The following ITFG1 variants were observed in gnomAD, a reference collection of about 807,000 sequenced individuals.
ITFG1 encodes the protein T-cell immunomodulatory protein.
In ITFG1, 34 loss-of-function variants were observed where a neutral mutation model predicts 81.8. The observed-to-expected ratio is 0.42, with a 90% confidence interval of 0.32 to 0.55. The LOEUF is 0.55. ITFG1 is among the 20% of genes least tolerant of loss of function. The probability of loss-of-function intolerance (pLI) is 0.17; values close to 1 mark genes in which losing one functional copy is unlikely to be tolerated. For missense variants in ITFG1, 672 were observed against 755.4 expected, an observed-to-expected ratio of 0.89 and a Z score of 1.29; for synonymous variants, 285 against 270.6, an observed-to-expected ratio of 1.05 and a Z score of -0.52.
chr16:47,183,768 C>T (rs1320744154), intron 14 of ITFG1, among the ~76,000 whole-genome samples: 7 of 152,286 alleles, frequency 4.6e-5, no homozygotes, highest in East Asian at 3.9e-4. Flanking sequence ...TCACTAGCAA[C>T]GGAACAAAGC....
intron 14 of ITFG1, among the ~76,000 whole-genome samples, chr16:47,184,123 A>C (rs1327220560): frequency 4.6e-5 from 7 of 152,194 alleles, no homozygotes; most frequent in African/African-American, 9.6e-5. Context: ...AAATATGGGA[A>C]TATGTGAAAA....
intron 2 of ITFG1, among the ~76,000 whole-genome samples, chr16:47,457,602 G>C (rs1244800982): frequency 6.6e-6 from 1 of 152,004 alleles, no homozygotes; most frequent in East Asian, 1.9e-4. Context: ...AGAGAAACAG[G>C]GGTGTGGGGG....
At position 47,433,792 on chromosome 16, in the gene ITFG1, T is replaced by TAC. The variant is rs1194139016; in HGVS notation, c.561-4896_561-4895dup. 5.8e-3 allele frequency among the ~76,000 whole-genome samples: 782 copies of TAC among 135,624 alleles called. 7 individuals carry two copies. The highest frequency in any genetic ancestry group is 8.0e-3 in the African/African-American group (282 of 35,300). 89.0% of individuals were successfully genotyped at this position (135,624 alleles called of 152,430 possible). On this transcript the variant is annotated intron_variant, in intron 5 of 17. Coordinates refer to ENST00000320640, the MANE Select transcript of ITFG1 (RefSeq NM_030790.5). Reference sequence around the variant, plus strand: ...CTGAATATATATATATATATATATATACACACACACACATACACACACGTA... The same window carrying TAC: ...CTGAATATATATATATATATATATATACACACACACACACATACACACACGTA...
At chr16:47,419,129 C>T (rs1035265154) in intron 6 of ITFG1, among the ~76,000 whole-genome samples, 1 of 152,094 alleles carries the variant, frequency 6.6e-6, no homozygotes, top group Non-Finnish European at 1.5e-5. Context: ...TTGATGTGTT[C>T]TTGGATTTGG....
chr16:47,348,307 C>T (rs1967890900), intron 8 of ITFG1, among the ~76,000 whole-genome samples: 1 of 152,112 alleles, frequency 6.6e-6, no homozygotes, highest in South Asian at 2.1e-4. Flanking sequence ...AAGTTAAAAA[C>T]CTTGAAAAAA....
chr16:47,156,653 C>T (rs894938629), intron 17 of ITFG1, among the ~76,000 whole-genome samples: 1 of 151,956 alleles, frequency 6.6e-6, no homozygotes, highest in African/African-American at 2.4e-5. Flanking sequence ...CTTCTAGATC[C>T]GGGTGAGGAA....
chr16:47,156,347 G>A (rs1460270759), intron 17 of ITFG1, among the ~76,000 whole-genome samples: 1 of 152,182 alleles, frequency 6.6e-6, no homozygotes, highest in Admixed American at 6.5e-5. Flanking sequence ...GCTAAGGCAG[G>A]AGAATCGCTT....
intron 10 of ITFG1, among the ~76,000 whole-genome samples, chr16:47,310,683 C>T (rs1967244068): frequency 6.6e-6 from 1 of 152,170 alleles, no homozygotes; most frequent in South Asian, 2.1e-4. Context: ...AAACAAGCAA[C>T]AATAATGTAA....
intron 10 of ITFG1, among the ~76,000 whole-genome samples, chr16:47,273,581 T>A (rs1966365819): frequency 6.6e-6 from 1 of 152,160 alleles, no homozygotes; most frequent in African/African-American, 2.4e-5. Flanking sequence ...AGTCAGTGTC[T>A]AGGATATGTG....
intron 8 of ITFG1, among the ~76,000 whole-genome samples, chr16:47,364,449 C>G (rs1315973922): frequency 2.0e-5 from 3 of 151,958 alleles, no homozygotes; most frequent in Non-Finnish European, 4.4e-5. Context: ...AGTTTTTAAC[C>G]AGGGCTTAAG....
At chr16:47,393,826 T>C (rs1442958909) in intron 6 of ITFG1, among the ~76,000 whole-genome samples, 4 of 152,174 alleles carry the variant, frequency 2.6e-5, no homozygotes, top group African/African-American at 9.7e-5. Flanking sequence ...CATCAAACAT[T>C]TGGCTATTAC....
At chr16:47,180,445 C>G (rs1363442185) in intron 14 of ITFG1, among the ~76,000 whole-genome samples, 1 of 151,296 alleles carries the variant, frequency 6.6e-6, no homozygotes, top group Admixed American at 6.6e-5. Flanking sequence ...CAAAGCTGGA[C>G]TGTACTGCTG....
chr16:47,399,498 G>A (rs769358220), intron 6 of ITFG1, among the ~76,000 whole-genome samples: 3 of 152,048 alleles, frequency 2.0e-5, no homozygotes, highest in Non-Finnish European at 4.4e-5. Context: ...GTGTGAACCC[G>A]GGAGGCAGAG....
At chr16:47,224,589 C>T (rs143422873) in intron 13 of ITFG1, among the ~76,000 whole-genome samples, 119 of 152,214 alleles carry the variant, frequency 7.8e-4, no homozygotes, top group African/African-American at 1.9e-3. Flanking sequence ...ACCACAAACC[C>T]AGGCAATGGG....
intron 6 of ITFG1, among the ~76,000 whole-genome samples, chr16:47,389,147 T>G (rs1968499497): frequency 6.6e-6 from 1 of 152,150 alleles, no homozygotes; most frequent in African/African-American, 2.4e-5. Flanking sequence ...TGAACCTTTT[T>G]CGGTCTGACT....
Position 47,228,655 on chromosome 16 carries a change from C to T in ITFG1, c.1374+9310G>A, listed in dbSNP as rs529566901. Among the ~76,000 whole-genome samples the T allele has an allele frequency of 2.6e-5, 4 of 152,306 alleles. No homozygotes were observed. In the South Asian group the frequency reaches 6.2e-4, roughly 24 times the overall value. On this transcript the variant is annotated intron_variant, in intron 13 of 17. Coordinates refer to ENST00000320640, the MANE Select transcript of ITFG1 (RefSeq NM_030790.5). The stretch of plus-strand genomic sequence containing the variant: ...AAAGTGCTGGGATTACAGGTGTAAG[C>T]CATGGCATCTGACCCGAAGATAAAT...
chr16:47,451,997 A>C (rs1567505151), intron 4 of ITFG1, among the ~76,000 whole-genome samples: 1 of 152,222 alleles, frequency 6.6e-6, no homozygotes, highest in Non-Finnish European at 1.5e-5. Flanking sequence ...AAATAATCCT[A>C]GTTGGTATAA....
At chr16:47,442,581 C>T (rs1197184892) in intron 5 of ITFG1, among the ~76,000 whole-genome samples, 1 of 152,274 alleles carries the variant, frequency 6.6e-6, no homozygotes, top group East Asian at 1.9e-4. Context: ...GAACAGAGCC[C>T]TCAGAAATAA....
intron 14 of ITFG1, among the ~76,000 whole-genome samples, chr16:47,216,479 G>A (rs1965626204): frequency 6.6e-6 from 1 of 152,096 alleles, no homozygotes. Flanking sequence ...GGGATTACAG[G>A]CATGGGCCAC....
Sources: gnomAD v4.1 joint callset for allele counts (sites outside exome capture counted in the v4.1 genomes callset) on GRCh38, gnomAD v4.1.1 for gene constraint, MANE v1.5 for transcripts, NCBI Gene and HGNC (gene_info 2026-07-23, HGNC 2026-07-21) for gene names.